KCNMA1: variants seen among roughly 807,000 people sequenced by gnomAD.
KCNMA1 encodes the protein Calcium-activated potassium channel subunit alpha-1.
In KCNMA1, 29 loss-of-function variants were observed where a neutral mutation model predicts 140.0. That is an observed-to-expected ratio of 0.21 (90% CI 0.15 to 0.28). KCNMA1 has a LOEUF of 0.28. Ranked by LOEUF, KCNMA1 falls within the 10% of genes least tolerant of loss-of-function variation. The pLI is 1.00. For synonymous variants in KCNMA1, 612 were observed against 611.9 expected (o/e 1.00, Z 0.00); for missense variants, 880 against 1,602.2 (o/e 0.55, Z 7.70).
intron 3 of KCNMA1, among the ~76,000 whole-genome samples, chr10:77,244,070 C>T (rs1239361915): frequency 6.6e-6 from 1 of 152,204 alleles, no homozygotes; most frequent in East Asian, 1.9e-4. Context: ...ATATACTTTG[C>T]TATTCAATGA....
chr10:77,220,192 A>C (rs1159105578), intron 3 of KCNMA1, among the ~76,000 whole-genome samples: 1 of 152,208 alleles, frequency 6.6e-6, no homozygotes, highest in Non-Finnish European at 1.5e-5. Context: ...GAAGAGGTGA[A>C]ATAAGATCAC....
chr10:76,970,040 G>A lies in KCNMA1; in HGVS notation c.2294C>T (p.Ser765Leu), dbSNP rs2075563139. The change falls in exon 20 of 28, where the codon TCA becomes TTA. Residue 765 changes from serine (S) to leucine (L), a missense_variant. Transcript: ENST00000286628. The part of the protein sequence containing the change: ...AFEDEQPSTL[S>L]PKKKQRNGGM... The stretch of plus-strand genomic sequence containing the variant: ...TCCATTCCGTTGCTTTTTTTTTGGT[G>A]ATAGTGTTGACGGCTGCTCATCTTC... The A allele has an allele frequency of 6.2e-7, 1 of 1,613,586 alleles. No homozygotes were observed. Among genetic ancestry groups the A allele is most frequent in the South Asian group, 1.1e-5 (1 of 91,074 alleles).
intron 2 of KCNMA1, among the ~76,000 whole-genome samples, chr10:77,252,889 A>G (rs188588236): frequency 6.6e-6 from 1 of 152,206 alleles, no homozygotes; most frequent in South Asian, 2.1e-4. Context: ...TTAAAAAAAA[A>G]AACAACTAAA....
At chr10:77,182,716 G>C (rs751209637) in intron 5 of KCNMA1, among the ~76,000 whole-genome samples, 1 of 152,140 alleles carries the variant, frequency 6.6e-6, no homozygotes, top group Non-Finnish European at 1.5e-5. Flanking sequence ...ATGACAGCAG[G>C]AATACTCTGA....
intron 2 of KCNMA1, among the ~76,000 whole-genome samples, chr10:77,278,231 C>A (rs553959011): frequency 3.9e-5 from 6 of 152,278 alleles, no homozygotes; most frequent in Admixed American, 2.0e-4. Flanking sequence ...ATATGATTCT[C>A]TCCTTTAAGG....
chr10:77,085,390 G>T (rs1349881807), intron 11 of KCNMA1, among the ~76,000 whole-genome samples: 1 of 152,130 alleles, frequency 6.6e-6, no homozygotes, highest in East Asian at 1.9e-4. Flanking sequence ...TTCCTTAGAG[G>T]GGACCATGAG....
intron 2 of KCNMA1, among the ~76,000 whole-genome samples, chr10:77,359,145 C>A (rs536914613): frequency 3.3e-4 from 50 of 152,288 alleles, no homozygotes; most frequent in Non-Finnish European, 5.4e-4. Flanking sequence ...CCCATTTAAC[C>A]CTGTCCCCTC....
At chr10:76,998,988 A>G (rs2085285401) in intron 19 of KCNMA1, among the ~76,000 whole-genome samples, 1 of 152,164 alleles carries the variant, frequency 6.6e-6, no homozygotes, top group Admixed American at 6.5e-5. Flanking sequence ...TGAAACGGAG[A>G]AGGCAAATCG....
chr10:76,949,400 G>C (rs113834214), intron 21 of KCNMA1, 34 bp from the exon 22 acceptor site: 3 of 1,542,522 alleles, frequency 1.9e-6, no homozygotes, highest in African/African-American at 1.4e-5. Flanking sequence ...GAGTCAGAGA[G>C]AAGACTGCAT....
At chr10:77,558,763 G>A (rs1164223880) in intron 1 of KCNMA1, among the ~76,000 whole-genome samples, 5 of 152,164 alleles carry the variant, frequency 3.3e-5, no homozygotes, top group Non-Finnish European at 7.3e-5. Flanking sequence ...AAATCAGGTG[G>A]AAGAAGGCAG....
chr10:77,318,601 C>T (rs1458902755), intron 2 of KCNMA1, among the ~76,000 whole-genome samples: 2 of 152,188 alleles, frequency 1.3e-5, no homozygotes, highest in African/African-American at 4.8e-5. Flanking sequence ...TAGAACCAAG[C>T]ACCTGGTAGG....
chr10:77,140,387 G>C (rs1377785778), intron 5 of KCNMA1: 1 of 152,664 alleles, frequency 6.6e-6, no homozygotes, highest in African/African-American at 2.4e-5. Context: ...GACTTCACCC[G>C]GTAGCCATTA....
At chr10:76,897,011 TACACACACACACACACACACAC>T (rs3067677) in intron 25 of KCNMA1, among the ~76,000 whole-genome samples, 1 of 142,718 alleles carries the variant, frequency 7.0e-6, no homozygotes, top group South Asian at 2.3e-4. Flanking sequence ...AGGTGAAAAT[TACACACACACACACACACACAC>T]ACACACACAC....
chr10:77,443,859 G>T (rs1304220675), intron 1 of KCNMA1, among the ~76,000 whole-genome samples: 1 of 152,134 alleles, frequency 6.6e-6, no homozygotes, highest in Non-Finnish European at 1.5e-5. Flanking sequence ...GATCAGTAGG[G>T]TGACTATAGT....
chr10:77,346,788 G>A (rs2092232239), intron 2 of KCNMA1, among the ~76,000 whole-genome samples: 1 of 152,166 alleles, frequency 6.6e-6, no homozygotes. Context: ...GGAATTTGAT[G>A]CATCTGTCCT....
chr10:77,095,208 G>T (rs1352856432), intron 9 of KCNMA1, among the ~76,000 whole-genome samples: 1 of 152,160 alleles, frequency 6.6e-6, no homozygotes, highest in African/African-American at 2.4e-5. Context: ...AATTTCTATA[G>T]GGCCTGACCA....
intron 2 of KCNMA1, among the ~76,000 whole-genome samples, chr10:77,391,353 A>G (rs939209769): frequency 1.3e-5 from 2 of 151,934 alleles, no homozygotes; most frequent in Non-Finnish European, 2.9e-5. Flanking sequence ...TCCCACCCTC[A>G]CCCCGTCTCC....
chr10:77,159,667 C>T (rs2098533095), intron 5 of KCNMA1, among the ~76,000 whole-genome samples: 1 of 151,830 alleles, frequency 6.6e-6, no homozygotes, highest in Admixed American at 6.6e-5. Context: ...CTGCCTATTC[C>T]CCCCTCCTGT....
chr10:77,310,176 C>A (rs1434713305), intron 2 of KCNMA1, among the ~76,000 whole-genome samples: 1 of 152,190 alleles, frequency 6.6e-6, no homozygotes, highest in African/African-American at 2.4e-5. Context: ...ATAATTTAGA[C>A]AGCGTGCACT....
Sources: allele counts gnomAD v4.1 joint callset (sites outside exome capture counted in the v4.1 genomes callset), GRCh38; gene constraint gnomAD v4.1.1; transcripts MANE v1.5; gene names NCBI Gene and HGNC (gene_info 2026-07-23, HGNC 2026-07-21).